Variants in ZNF541 observed in about 807,000 individuals in gnomAD.
ZNF541 encodes the protein zinc finger protein 541.
Under a neutral mutation model 123.5 loss-of-function variants are expected in ZNF541, and 23 were observed. The observed-to-expected ratio is 0.19, with a 90% CI of 0.13 to 0.26. The LOEUF (loss-of-function observed/expected upper bound fraction) is 0.26, where lower values mean the gene tolerates loss of function less well. ZNF541 is among the 10% of genes least tolerant of loss of function. The probability of loss-of-function intolerance (pLI) is 1.00; values close to 1 mark genes in which losing one functional copy is unlikely to be tolerated. For missense variants in ZNF541, 1,612 were observed against 1,789.9 expected (o/e 0.90, Z 1.79); for synonymous variants, 751 against 754.5 (o/e 1.00, Z 0.08).
At chr19:47,534,426 G>A (rs901059051) in intron 9 of ZNF541, among the ~76,000 whole-genome samples, 2 of 152,116 alleles carry the variant, frequency 1.3e-5, no homozygotes, top group African/African-American at 2.4e-5. Context: ...CGAGGCGGGC[G>A]GATCACCTGA....
intron 2 of ZNF541, among the ~76,000 whole-genome samples, 161 bp downstream of exon 2, chr19:47,571,735 C>T (rs917819412): frequency 2.8e-4 from 42 of 152,106 alleles, no homozygotes; most frequent in Non-Finnish European, 4.7e-4. Flanking sequence ...TCAACATGCA[C>T]AATAAATAGC....
chr19:47,564,953 T>C (rs1380166392), intron 2 of ZNF541, among the ~76,000 whole-genome samples: 13 of 152,058 alleles, frequency 8.5e-5, no homozygotes, highest in Non-Finnish European at 8.8e-5. Context: ...AATATATATA[T>C]GATGGAATAC....
At chr19:47,542,966 T>C (rs931119995) in intron 5 of ZNF541, among the ~76,000 whole-genome samples, 1 of 151,342 alleles carries the variant, frequency 6.6e-6, no homozygotes, top group Non-Finnish European at 1.5e-5. Flanking sequence ...AAAATAAATT[T>C]AAAAAATAAA....
intron 2 of ZNF541, among the ~76,000 whole-genome samples, chr19:47,570,150 T>C (rs1041900298): frequency 6.6e-6 from 1 of 151,686 alleles, no homozygotes; most frequent in African/African-American, 2.4e-5. Flanking sequence ...AGCGGGTGCC[T>C]GTTGTCCCAG....
chr19:47,534,446 T>C lies in ZNF541; in HGVS notation c.3095-1474A>G, dbSNP rs1444355476. Among the ~76,000 whole-genome samples, 7 of 149,982 alleles carry C rather than the reference T, an allele frequency of 4.7e-5. No homozygotes were observed. The South Asian group carries it at 1.1e-3, about 23-fold the overall frequency. ...CGGGCGGATCACCTGAAGTCAGGAG[T>C]TCAAGACCAGCCTGGCTAACATAAC... On this transcript the variant is annotated intron_variant, in intron 9 of 16. Transcript: ENST00000391901.
chr19:47,551,331 C>T lies in ZNF541; in HGVS notation c.308-1846G>A, dbSNP rs149178791. Among the ~76,000 whole-genome samples, 530 of 151,668 alleles carry T rather than the reference C, an allele frequency of 3.5e-3. 4 individuals carry two copies. The highest frequency in any genetic ancestry group is 0.012 in the African/African-American group (508 of 41,388). On this transcript the variant is annotated intron_variant, in intron 3 of 16. Coordinates refer to ENST00000391901, the MANE Select transcript of ZNF541 (RefSeq NM_001277075.3). ...CTGGGATTACAGGTGTGAGCCACCG[C>T]GCCCAGCCTGCCTTTTTAACTTCTT...
intron 9 of ZNF541, among the ~76,000 whole-genome samples, chr19:47,535,225 T>C (rs1191439958): frequency 1.3e-5 from 2 of 152,186 alleles, no homozygotes; most frequent in African/African-American, 4.8e-5. Context: ...AGTGCTGGCA[T>C]TACAGGCGTG....
At chr19:47,526,229 C>G (rs1303372562) in intron 14 of ZNF541, among the ~76,000 whole-genome samples, 2 of 152,080 alleles carry the variant, frequency 1.3e-5, no homozygotes, top group Non-Finnish European at 2.9e-5. Context: ...CGCCTGTAAT[C>G]CCAGCACTTT....
intron 2 of ZNF541, among the ~76,000 whole-genome samples, chr19:47,567,186 A>G (rs904880298): frequency 6.6e-6 from 1 of 152,190 alleles, no homozygotes; most frequent in Non-Finnish European, 1.5e-5. Context: ...CTTTAGCCAC[A>G]TACACAGAAA....
intron 2 of ZNF541, among the ~76,000 whole-genome samples, chr19:47,561,849 T>C (rs1284375010): frequency 6.6e-6 from 1 of 152,050 alleles, no homozygotes; most frequent in Non-Finnish European, 1.5e-5. Flanking sequence ...GAAAAGCCAC[T>C]AAACAAACAG....
chr19:47,531,643 T>G lies in ZNF541; in HGVS notation c.3404A>C (p.Gln1135Pro), dbSNP rs1167137096. The G allele has an allele frequency of 6.5e-6, 10 of 1,539,766 alleles. No homozygotes were observed. The highest frequency in any genetic ancestry group is 8.8e-6 in the Non-Finnish European group (10 of 1,138,348). ...HCLHEAQGNV[Q>P]VALETLLLRG... ...GAGGGTCCCCTTGCTGTTCCTCACC[T>G]GAACGTTGCCCTGAGCCTCGTGCAG... Residue 1135 changes from glutamine to proline, a missense_variant and splice_region_variant, in exon 12 of 17, where the codon CAG (glutamine) becomes CCG (proline). Gln to Pro is a moderately conservative substitution (Grantham distance 76, BLOSUM62 -1). Transcript: ENST00000391901.
chr19:47,550,323 AAG>A (rs533814025), intron 3 of ZNF541, among the ~76,000 whole-genome samples: 2,585 of 149,508 alleles, frequency 0.017, 40 homozygotes, highest in Admixed American at 0.049. Context: ...GAGAGAGAGA[AAG>A]AGAGAGAGAG....
Position 47,521,718 on chromosome 19 carries a change from C to A in ZNF541, c.3712-64G>T. On this transcript the variant is annotated intron_variant, in intron 15 of 16. Coordinates refer to ENST00000391901, the MANE Select transcript of ZNF541 (RefSeq NM_001277075.3). This position sits in a 1 kb window ranked among gnomAD's most constrained non-coding sequence, Gnocchi z 4.2. Reference sequence around the variant, plus strand: ...GTCCTGCTGTAAGAGAGACACAGAGCTGGGGGCATACGTGTCTCCTGCAGG... The same window carrying A: ...GTCCTGCTGTAAGAGAGACACAGAGATGGGGGCATACGTGTCTCCTGCAGG... 1.3e-6 allele frequency: 2 copies of A among 1,532,162 alleles called. No homozygotes were observed. Among genetic ancestry groups the A allele is most frequent in the South Asian group, 1.2e-5 (1 of 81,666 alleles). The allele number at this position is 1,532,162 out of a possible 1,614,324, so 94.9% of individuals were successfully genotyped here.
At position 47,521,272 on chromosome 19, in the gene ZNF541, C is replaced by T. The variant is rs1395746531; in HGVS notation, c.3993G>A (p.Gln1331=). Residue 1331 remains glutamine, a synonymous_variant, in exon 17 of 17, where the codon CAG becomes CAA. Coordinates refer to ENST00000391901, the MANE Select transcript of ZNF541 (RefSeq NM_001277075.3). The surrounding 1 kb of genome is among the most constrained non-coding windows in gnomAD (Gnocchi z 4.2). ...CAGCTCCCAGCTCCTCTTCCTTTAG[C>T]TGGAAGGGCTTCACTGGCCACTTCA... ...IRVKWPVKPF[Q]LKEEELGADI... is the part of the protein sequence containing the mutation. 1.3e-6 allele frequency: 2 copies of T among 1,551,754 alleles called. No homozygotes were observed. Among genetic ancestry groups the T allele is most frequent in the East Asian group, 4.9e-5 (2 of 40,924 alleles).
rs1438295883 is a variant in ZNF541, at chr19:47,533,098, G to C, written c.3095-126C>G. On this transcript the variant is annotated intron_variant, in intron 9 of 16. Transcript: ENST00000391901. ...AGATCCCATGGGTTGGCCGGGCACA[G>C]TGGTTCACGCCTGTAATCCCAGCAC... 4.0e-6 allele frequency: 3 copies of C among 754,282 alleles called. No individual in the cohort carries two copies. The Admixed American group carries it at 8.7e-5, about 22-fold the overall frequency. The allele number at this position is 754,282 out of a possible 1,614,324, so 46.7% of individuals were successfully genotyped here. A position where few individuals can be genotyped will look rare whatever the true frequency, so the allele number is the denominator to read the frequency against.
chr19:47,563,630 G>A (rs1454191147), intron 2 of ZNF541, among the ~76,000 whole-genome samples: 3 of 152,042 alleles, frequency 2.0e-5, no homozygotes, highest in Admixed American at 6.6e-5. Flanking sequence ...TTTTTGAGAC[G>A]AAGTCTTGCT....
chr19:47,533,203 T>C (rs1272664695), intron 9 of ZNF541, among the ~76,000 whole-genome samples: 1 of 151,168 alleles, frequency 6.6e-6, no homozygotes, highest in Non-Finnish European at 1.5e-5. Flanking sequence ...ACCCTGTTCC[T>C]ACTTAAAATA....
In ZNF541 at chr19:47,539,820, C is replaced by G; in HGVS notation, c.2681G>C (p.Arg894Thr). The change falls in exon 8 of 17, where the codon AGG becomes ACG. Residue 894 changes from arginine to threonine, a missense_variant. Arg to Thr is a moderately conservative substitution (Grantham distance 71). This residue lies in a region of ZNF541 where 1,080 missense variants were observed against 1,013.8 expected (regional missense o/e 1.07). Transcript: ENST00000391901. ...LRQVLRPEGD[R>T]HSPPGTKKPL... The stretch of plus-strand genomic sequence containing the variant: ...CTTCTTGGTTCCTGGGGGACTATGC[C>G]TGTCCCCTTCTGGCCTCAGCACCTG... 3 of 1,500,258 alleles carry G rather than the reference C, an allele frequency of 2.0e-6. No homozygotes were observed. Among genetic ancestry groups the G allele is most frequent in the Non-Finnish European group, 2.6e-6 (3 of 1,132,114 alleles). 92.9% of individuals were successfully genotyped at this position (1,500,258 alleles called of 1,614,324 possible).
chr19:47,545,329 C>G lies in ZNF541; in HGVS notation c.1200G>C (p.Gln400His). The G allele has an allele frequency of 1.9e-6, 3 of 1,548,262 alleles. No individual in the cohort carries two copies. The highest frequency in any genetic ancestry group is 2.6e-6 in the Non-Finnish European group (3 of 1,146,186). Residue 400 changes from glutamine to histidine, a missense_variant, in exon 5 of 17, where the codon CAG becomes CAC. Physicochemically the swap from Gln to His is conservative, Grantham distance 24. Transcript: ENST00000391901. The surrounding 1 kb of genome is among the most constrained non-coding windows in gnomAD (Gnocchi z 7.5). ...ATGGCTGGGAACTGGCAGGGACCGTCTGGCCTCGGAAGAGAGGCAGGCAGG... is the reference window on the plus strand; with the variant it reads ...ATGGCTGGGAACTGGCAGGGACCGTGTGGCCTCGGAAGAGAGGCAGGCAGG... ...VPACLPLFRG[Q>H]TVPASSQPSS...
Sources: gnomAD v4.1 joint callset for allele counts (sites outside exome capture counted in the v4.1 genomes callset) on GRCh38, gnomAD v4.1.1 for gene constraint, gnomAD v4.1.1 regional missense constraint, Gnocchi (gnomAD v3.1) non-coding constraint, MANE v1.5 for transcripts, NCBI Gene and HGNC (gene_info 2026-07-23, HGNC 2026-07-21) for gene names.